Variants in MAP3K21 observed in about 807,000 individuals in gnomAD.
The protein encoded by MAP3K21 is mitogen-activated protein kinase kinase kinase 21.
MAP3K21 carries 63 observed loss-of-function variants against 86.1 expected under a neutral mutation model. The ratio of observed to expected loss-of-function variants is 0.73; its 90% confidence interval spans 0.60 to 0.90. The LOEUF (loss-of-function observed/expected upper bound fraction) is 0.90, where lower values mean the gene tolerates loss of function less well. MAP3K21 is among the 40% of genes least tolerant of loss of function. The pLI is 0.00. For synonymous variants in MAP3K21, 558 were observed against 564.8 expected (o/e 0.99, Z 0.17); for missense variants, 1,220 against 1,367.7 (o/e 0.89, Z 1.70).
At chr1:233,340,416 G>A (rs1663018889) in intron 1 of MAP3K21, among the ~76,000 whole-genome samples, 1 of 152,186 alleles carries the variant, frequency 6.6e-6, no homozygotes, top group African/African-American at 2.4e-5. Flanking sequence ...CAATGCTGTA[G>A]ATTTTAGAAA....
chr1:233,374,838 T>C (rs747772225), intron 6 of MAP3K21, among the ~76,000 whole-genome samples: 3 of 151,600 alleles, frequency 2.0e-5, no homozygotes, highest in Middle Eastern at 3.2e-3. Flanking sequence ...GAGTATTCCA[T>C]TGTATATCAT....
chr1:233,382,610 G>A lies in MAP3K21; in HGVS notation c.3010G>A (p.Val1004Met), dbSNP rs369257067. Residue 1004 changes from valine (V) to methionine (M), a missense_variant, in exon 10 of 10, where the codon GTG (valine) becomes ATG (methionine). Physicochemically the swap from Val to Met is conservative, Grantham distance 21. Coordinates refer to ENST00000366624, the MANE Select transcript of MAP3K21 (RefSeq NM_032435.3). ...TGTGCCTTCATTACTGGATGCTGAC[G>A]TGGAAGGTCAGAGCAGGGACTACAC... is the stretch of plus-strand genomic sequence containing the variant. ...SHVPSLLDAD[V>M]EGQSRDYTVP... 165 of 1,614,164 alleles carry A rather than the reference G, an allele frequency of 1.0e-4. 1 individual carries two copies. In the East Asian group the frequency reaches 3.1e-3, roughly 31 times the overall value.
chr1:233,361,388 A>C (rs1663463367), intron 4 of MAP3K21, among the ~76,000 whole-genome samples: 1 of 152,160 alleles, frequency 6.6e-6, no homozygotes, highest in Non-Finnish European at 1.5e-5. Flanking sequence ...GGATCTGAAA[A>C]GTTCTTTGTA....
In MAP3K21 at chr1:233,349,603, T is replaced by C. The variant is rs1328292462; in HGVS notation, c.986+2981T>C. On this transcript the variant is annotated intron_variant, in intron 2 of 9. Coordinates refer to ENST00000366624, the MANE Select transcript of MAP3K21 (RefSeq NM_032435.3). ...TCTCTAGAGAAGTCACCTCTCAAAA[T>C]TGATTTATTTACAAAGTGCGATGAT... 2.0e-5 allele frequency among the ~76,000 whole-genome samples: 3 copies of C among 152,118 alleles called. No homozygotes were observed. In the East Asian group the frequency reaches 5.8e-4, roughly 29 times the overall value.
At chr1:233,371,209 C>A (rs993006789) in intron 5 of MAP3K21, among the ~76,000 whole-genome samples, 1 of 152,142 alleles carries the variant, frequency 6.6e-6, no homozygotes, top group African/African-American at 2.4e-5. Context: ...TATTCAACAC[C>A]ACGACCACCA....
intron 1 of MAP3K21, among the ~76,000 whole-genome samples, chr1:233,332,695 G>C (rs1662831662): frequency 6.6e-6 from 1 of 152,210 alleles, no homozygotes; most frequent in Non-Finnish European, 1.5e-5. Context: ...TGCAATATAA[G>C]AATTCCCAAG....
chr1:233,343,650 C>T (rs1439453183), intron 1 of MAP3K21, among the ~76,000 whole-genome samples: 1 of 152,168 alleles, frequency 6.6e-6, no homozygotes, highest in Non-Finnish European at 1.5e-5. Flanking sequence ...GTGGTTAGGA[C>T]CATAGGCTCT....
At chr1:233,354,332 AG>A (rs1663306031) in intron 3 of MAP3K21, among the ~76,000 whole-genome samples, 1 of 152,234 alleles carries the variant, frequency 6.6e-6, no homozygotes, top group Non-Finnish European at 1.5e-5. Context: ...TGATTTTGCC[AG>A]GATCATGTCT....
In MAP3K21 at chr1:233,371,901, A is replaced by G. The variant is rs762553433; in HGVS notation, c.1553-137A>G. The G allele has an allele frequency of 2.8e-5, 23 of 832,500 alleles. No individual in the cohort carries two copies. In the Admixed American group the frequency reaches 3.8e-4, roughly 14 times the overall value. 51.6% of individuals were successfully genotyped at this position (832,500 alleles called of 1,614,324 possible). On this transcript the variant is annotated intron_variant, in intron 5 of 9. Transcript: ENST00000366624. ...TGAACCCCGAGAAGTAAGAAACCAA[A>G]ATAAGAAATCGATCCTGCAATATTC...
intron 7 of MAP3K21, 42 bp from the exon 8 acceptor site, chr1:233,376,388 G>A: frequency 7.2e-7 from 1 of 1,382,008 alleles, no homozygotes; most frequent in Non-Finnish European, 1.0e-6. Flanking sequence ...TTGGTGTGTT[G>A]TGTGCTTCTA....
At chr1:233,380,731 T>C (rs1229583421) in intron 9 of MAP3K21, among the ~76,000 whole-genome samples, 1 of 152,192 alleles carries the variant, frequency 6.6e-6, no homozygotes, top group Non-Finnish European at 1.5e-5. Flanking sequence ...GGACATAAAT[T>C]GTCTCTTAGT....
rs992272716 is a variant in MAP3K21 at position 233,328,295 on chromosome 1, C to G, written c.267C>G (p.Leu89=). The G allele has an allele frequency of 6.7e-7, 1 of 1,486,530 alleles. No individual in the cohort carries two copies. Among genetic ancestry groups the G allele is most frequent in the Non-Finnish European group, 8.9e-7 (1 of 1,126,226 alleles). The allele number at this position is 1,486,530 out of a possible 1,614,324, so 92.1% of individuals were successfully genotyped here. A position where few individuals can be genotyped will look rare whatever the true frequency, so the allele number is the denominator to read the frequency against. Residue 89 remains leucine, a synonymous_variant, in exon 1 of 10, where the codon CTC becomes CTG. Transcript: ENST00000366624. The surrounding 1 kb of genome is among the most constrained non-coding windows in gnomAD (Gnocchi z 8.7). ...GWWAGQVQRR[L]GIFPANYVAP... The stretch of plus-strand genomic sequence containing the variant: ...GGGCAGGCCAGGTGCAGCGGCGCCT[C>G]GGCATCTTCCCCGCCAACTACGTGG...
Position 233,383,432 on chromosome 1 carries a change from C to G in MAP3K21, c.*721C>G, listed in dbSNP as rs1425290948. ...TATAAGCATTTTATTCATTAGAACT[C>G]CAAAATAGATGTTCAAAGTTCAGTC... is the stretch of plus-strand genomic sequence containing the variant. On this transcript the variant is annotated 3_prime_UTR_variant, in exon 10 of 10. Transcript: ENST00000366624. The G allele has an allele frequency of 1.6e-5, 2 of 121,800 alleles. No homozygotes were observed. The highest frequency in any genetic ancestry group is 3.6e-5 in the Non-Finnish European group (2 of 54,866). 7.5% of individuals were successfully genotyped at this position (121,800 alleles called of 1,614,324 possible).
chr1:233,355,130 T>C (rs1663328267), intron 4 of MAP3K21, 119 bp downstream of exon 4: 1 of 716,120 alleles, frequency 1.4e-6, no homozygotes, highest in Non-Finnish European at 2.2e-6. Flanking sequence ...TATTTGTTGA[T>C]TCTCACCTTC....
chr1:233,344,304 G>A (rs1379441664), intron 1 of MAP3K21, among the ~76,000 whole-genome samples: 2 of 152,130 alleles, frequency 1.3e-5, no homozygotes, highest in Non-Finnish European at 1.5e-5. Context: ...CAAAACTGGA[G>A]GCATCACACT....
At chr1:233,329,873 G>A (rs927486946) in intron 1 of MAP3K21, among the ~76,000 whole-genome samples, 1 of 152,272 alleles carries the variant, frequency 6.6e-6, no homozygotes, top group African/African-American at 2.4e-5. Context: ...ATAAAGAACT[G>A]ACAAATGACT....
At chr1:233,363,944 C>G (rs552152307) in intron 5 of MAP3K21, among the ~76,000 whole-genome samples, 3 of 150,014 alleles carry the variant, frequency 2.0e-5, no homozygotes, top group African/African-American at 7.4e-5. Flanking sequence ...AACCCGGGAG[C>G]TGGAAGTTGC....
At position 233,370,444 on chromosome 1, in the gene MAP3K21, A is replaced by G. The variant is rs575479532; in HGVS notation, c.1553-1594A>G. Among the ~76,000 whole-genome samples the G allele has an allele frequency of 1.9e-4, 29 of 152,298 alleles. No homozygotes were observed. In the South Asian group the frequency reaches 2.5e-3, roughly 13 times the overall value. ...AAATATATAGCACAGAATTTACCTG[A>G]TATTTTGTGCTTGGTGGATATGTAG... On this transcript the variant is annotated intron_variant, in intron 5 of 9. Transcript: ENST00000366624.
At chr1:233,335,840 C>A (rs1662902150) in intron 1 of MAP3K21, among the ~76,000 whole-genome samples, 2 of 152,206 alleles carry the variant, frequency 1.3e-5, no homozygotes, top group Non-Finnish European at 2.9e-5. Flanking sequence ...GGAAAACCCC[C>A]ATATTTTCCC....
Sources: gnomAD v4.1 joint callset for allele counts (sites outside exome capture counted in the v4.1 genomes callset) on GRCh38, gnomAD v4.1.1 for gene constraint, Gnocchi (gnomAD v3.1) non-coding constraint, MANE v1.5 for transcripts, NCBI Gene and HGNC (gene_info 2026-07-23, HGNC 2026-07-21) for gene names.